Variants in SERPINI1 observed in about 807,000 individuals in gnomAD.
The protein encoded by SERPINI1 is serpin family I member 1.
Under a neutral mutation model 41.1 loss-of-function variants are expected in SERPINI1, and 19 were observed. The observed-to-expected ratio is 0.46, with a 90% CI of 0.32 to 0.68. SERPINI1 has a LOEUF of 0.68. Ranked by LOEUF, SERPINI1 falls within the 30% of genes least tolerant of loss-of-function variation. The pLI, the probability that SERPINI1 is intolerant of heterozygous loss-of-function variation, is 0.03. For missense variants in SERPINI1, 460 were observed against 479.2 expected, an observed-to-expected ratio of 0.96 and a Z score of 0.37; for synonymous variants, 138 against 156.6, an observed-to-expected ratio of 0.88 and a Z score of 0.89.
chr3:167,790,923 T>C lies in SERPINI1; in HGVS notation c.481+321T>C, dbSNP rs573392838. Reference sequence around the variant, plus strand: ...TTGTCCTATTTAATAAATTAGTTACTAGATAGAATGGCAGTTGGCTTTCAT... The same window carrying C: ...TTGTCCTATTTAATAAATTAGTTACCAGATAGAATGGCAGTTGGCTTTCAT... On this transcript the variant is annotated intron_variant, in intron 3 of 8. Coordinates refer to ENST00000446050, the MANE Select transcript of SERPINI1 (RefSeq NM_001122752.2). 7.2e-5 allele frequency among the ~76,000 whole-genome samples: 11 copies of C among 152,276 alleles called. No homozygotes were observed. The East Asian group carries it at 2.1e-3, about 29-fold the overall frequency.
chr3:167,821,248 C>T (rs568122484), intron 6 of SERPINI1, among the ~76,000 whole-genome samples: 3 of 152,218 alleles, frequency 2.0e-5, no homozygotes, highest in African/African-American at 7.2e-5. Flanking sequence ...CCTTGCTCGC[C>T]GTGTTGTAGG....
intron 1 of SERPINI1, among the ~76,000 whole-genome samples, chr3:167,742,075 AAAAT>A (rs1299766635): frequency 3.3e-5 from 5 of 152,016 alleles, no homozygotes; most frequent in South Asian, 2.1e-4. Context: ...TAAAATTTAA[AAAAT>A]AAATAAGGAA....
chr3:167,748,633 T>C (rs901341709), intron 1 of SERPINI1, among the ~76,000 whole-genome samples: 6 of 152,158 alleles, frequency 3.9e-5, no homozygotes, highest in Admixed American at 1.3e-4. Flanking sequence ...GGTGGTAGCA[T>C]TGATGATGCG....
intron 1 of SERPINI1, among the ~76,000 whole-genome samples, chr3:167,774,732 G>A (rs1488839799): frequency 1.3e-5 from 2 of 152,248 alleles, no homozygotes; most frequent in East Asian, 3.9e-4. Context: ...TCTAACTAAT[G>A]CCTGATGATC....
intron 4 of SERPINI1, among the ~76,000 whole-genome samples, chr3:167,793,823 A>C (rs1261714339): frequency 9.4e-6 from 1 of 106,300 alleles, no homozygotes; most frequent in Non-Finnish European, 1.8e-5. Flanking sequence ...TATATAGTTC[A>C]TTTTGGCCAT....
Position 167,795,949 on chromosome 3 carries a change from G to A in SERPINI1, c.881+1125G>A, listed in dbSNP as rs528746388. 1.6e-4 allele frequency among the ~76,000 whole-genome samples: 24 copies of A among 152,102 alleles called. 1 individual carries two copies. The South Asian group carries it at 2.7e-3, about 17-fold the overall frequency. ...CAATAAAAACAGATTAAATATATAC[G>A]TATGTATGTACGTGAAAGTACAGTT... is the stretch of plus-strand genomic sequence containing the variant. On this transcript the variant is annotated intron_variant, in intron 5 of 8. Coordinates refer to ENST00000446050, the MANE Select transcript of SERPINI1 (RefSeq NM_001122752.2).
At chr3:167,742,977 A>T (rs1381478674) in intron 1 of SERPINI1, among the ~76,000 whole-genome samples, 2 of 152,108 alleles carry the variant, frequency 1.3e-5, no homozygotes, top group African/African-American at 4.8e-5. Flanking sequence ...TTAAAAGGCC[A>T]TCTAGCTAAT....
rs577374881 is a variant in SERPINI1, at chr3:167,743,012, C to A, written c.-19+7189C>A. Among the ~76,000 whole-genome samples the A allele has an allele frequency of 3.3e-5, 5 of 152,226 alleles. No individual in the cohort carries two copies. In the South Asian group the frequency reaches 1.0e-3, roughly 32 times the overall value. On this transcript the variant is annotated intron_variant, in intron 1 of 8. Transcript: ENST00000446050. ...TATTGCATCTAATATTTTTCCTATA[C>A]TTTGCATTACAAACACTTTTCGTAA...
At chr3:167,775,321 G>T (rs1726933431) in intron 1 of SERPINI1, among the ~76,000 whole-genome samples, 1 of 150,272 alleles carries the variant, frequency 6.7e-6, no homozygotes, top group South Asian at 2.1e-4. Flanking sequence ...CAGTGCAGTG[G>T]CGCAGTCTCA....
intron 6 of SERPINI1, among the ~76,000 whole-genome samples, chr3:167,812,054 C>T (rs369286104): frequency 1.3e-5 from 2 of 152,108 alleles, no homozygotes; most frequent in East Asian, 1.9e-4. Context: ...GACTTGAGAT[C>T]TTTTGCTAAG....
intron 1 of SERPINI1, among the ~76,000 whole-genome samples, chr3:167,782,708 A>G (rs1399657030): frequency 6.6e-6 from 1 of 152,208 alleles, no homozygotes; most frequent in Non-Finnish European, 1.5e-5. Context: ...AAATTTGCCA[A>G]GATTTCAAAG....
At chr3:167,775,179 A>C (rs1284075516) in intron 1 of SERPINI1, among the ~76,000 whole-genome samples, 3 of 150,702 alleles carry the variant, frequency 2.0e-5, no homozygotes, top group African/African-American at 7.3e-5. Flanking sequence ...CTTCTCTGAA[A>C]ATTTTACGTG....
chr3:167,808,193 C>G (rs1201131495), intron 6 of SERPINI1, among the ~76,000 whole-genome samples: 2 of 146,996 alleles, frequency 1.4e-5, no homozygotes, highest in Non-Finnish European at 3.0e-5. Flanking sequence ...TCAAAGTATA[C>G]CTGGCACATT....
chr3:167,825,163 T>A lies in SERPINI1; in HGVS notation c.1157-84T>A, dbSNP rs573716798. 1.5e-4 allele frequency: 140 copies of A among 912,630 alleles called. 1 individual carries two copies. In the South Asian group the frequency reaches 1.8e-3, roughly 12 times the overall value. The allele number at this position is 912,630 out of a possible 1,614,324, so 56.5% of individuals were successfully genotyped here. A position where few individuals can be genotyped will look rare whatever the true frequency, so the allele number is the denominator to read the frequency against. Reference sequence around the variant, plus strand: ...AGGAAGGAAGGAGAAAATAACATATTTTCATTAATTGTAAGCAAGAAGGAA... The same window carrying A: ...AGGAAGGAAGGAGAAAATAACATATATTCATTAATTGTAAGCAAGAAGGAA... On this transcript the variant is annotated intron_variant, in intron 8 of 8. Coordinates refer to ENST00000446050, the MANE Select transcript of SERPINI1 (RefSeq NM_001122752.2).
intron 1 of SERPINI1, among the ~76,000 whole-genome samples, chr3:167,778,265 C>T (rs556736646): frequency 2.6e-4 from 39 of 152,238 alleles, no homozygotes; most frequent in African/African-American, 9.2e-4. Flanking sequence ...TTGCCTGCTG[C>T]ACAGATAAAG....
chr3:167,789,387 G>T lies in SERPINI1; in HGVS notation c.250+9G>T. 6.2e-7 allele frequency: 1 copy of T among 1,613,844 alleles called. No individual in the cohort carries two copies. The highest frequency in any genetic ancestry group is 1.1e-5 in the South Asian group (1 of 91,052). On this transcript the variant is annotated intron_variant, in intron 2 of 8. Coordinates refer to ENST00000446050, the MANE Select transcript of SERPINI1 (RefSeq NM_001122752.2). ...TGACAGCCTAAAAAATGGTAAGAGT[G>T]ATCAGGTTTGATTTCTCAAGACTTT...
intron 6 of SERPINI1, among the ~76,000 whole-genome samples, chr3:167,810,811 G>A (rs1229916686): frequency 6.6e-6 from 1 of 152,174 alleles, no homozygotes. Flanking sequence ...CAAAATTGGA[G>A]TCAGTCCTTT....
chr3:167,773,859 C>G (rs998915928), intron 1 of SERPINI1, among the ~76,000 whole-genome samples: 2 of 152,276 alleles, frequency 1.3e-5, no homozygotes, highest in East Asian at 3.9e-4. Flanking sequence ...ACTTTCACCA[C>G]AGTCTATAGT....
At chr3:167,774,707 C>T (rs1398016435) in intron 1 of SERPINI1, among the ~76,000 whole-genome samples, 2 of 152,120 alleles carry the variant, frequency 1.3e-5, no homozygotes, top group Non-Finnish European at 2.9e-5. Flanking sequence ...CTAGGTTGTG[C>T]ACTCCTCATG....
Sources: gnomAD v4.1 joint callset for allele counts (sites outside exome capture counted in the v4.1 genomes callset) on GRCh38, gnomAD v4.1.1 for gene constraint, MANE v1.5 for transcripts, NCBI Gene and HGNC (gene_info 2026-07-23, HGNC 2026-07-21) for gene names.